Variants in TENM3 observed in about 807,000 individuals in gnomAD.
TENM3 encodes teneurin-3.
Under a neutral mutation model 255.1 loss-of-function variants are expected in TENM3, and 63 were observed. That is an observed-to-expected ratio of 0.25 (90% CI 0.20 to 0.30). TENM3 has a LOEUF of 0.30. Among genes scored for constraint, TENM3 ranks in the 10% least tolerant of loss-of-function variants. The probability of loss-of-function intolerance (pLI) is 1.00; values close to 1 mark genes in which losing one functional copy is unlikely to be tolerated. For synonymous variants in TENM3, 1,306 were observed against 1,322.3 expected (o/e 0.99, Z 0.27); for missense variants, 2,929 against 3,461.1 (o/e 0.85, Z 3.86).
At chr4:182,412,088 G>T (rs949270465) in intron 3 of TENM3, among the ~76,000 whole-genome samples, 1 of 152,112 alleles carries the variant, frequency 6.6e-6, no homozygotes, top group Admixed American at 6.5e-5. Context: ...CAGCTGGGTC[G>T]TGACTGAAAA....
At chr4:182,549,309 A>G (rs968887599) in intron 3 of TENM3, among the ~76,000 whole-genome samples, 2 of 152,246 alleles carry the variant, frequency 1.3e-5, no homozygotes, top group African/African-American at 4.8e-5. Context: ...GAAACTCACA[A>G]ATGTAAAACT....
chr4:182,735,091 C>T (rs1235654575), intron 16 of TENM3, among the ~76,000 whole-genome samples: 1 of 152,110 alleles, frequency 6.6e-6, no homozygotes, highest in East Asian at 1.9e-4. Flanking sequence ...AAACCATTCA[C>T]CCTAACAACC....
chr4:182,243,946 CTTT>C (rs967487689), intron 1 of TENM3, among the ~76,000 whole-genome samples: 5 of 72,912 alleles, frequency 6.9e-5, no homozygotes, highest in Middle Eastern at 0.014. Context: ...TTTGTGTTTT[CTTT>C]TTTTTTTTTT....
chr4:181,857,515 G>T, the TENM3 span, among the ~76,000 whole-genome samples: 1 of 130,218 alleles, frequency 7.7e-6, no homozygotes, highest in East Asian at 2.4e-4. Flanking sequence ...AGGAGTTTGA[G>T]ACAAGCCTAG....
At chr4:181,956,380 A>G in the TENM3 span, among the ~76,000 whole-genome samples, 45 of 152,350 alleles carry the variant, frequency 3.0e-4, 1 homozygote, top group Admixed American at 2.7e-3. Context: ...CATTTTCAAT[A>G]GACACCCATG....
chr4:181,763,624 T>C, the TENM3 span, among the ~76,000 whole-genome samples: 1 of 152,240 alleles, frequency 6.6e-6, no homozygotes, highest in Non-Finnish European at 1.5e-5. Context: ...TGGCTGCTTT[T>C]ACTGCTACGT....
At chr4:181,719,254 A>AAT in the TENM3 span, among the ~76,000 whole-genome samples, 2,298 of 150,434 alleles carry the variant, frequency 0.015, 50 homozygotes, top group African/African-American at 0.051. Context: ...TAAAAATGAA[A>AAT]ATATATATAT....
Position 182,714,077 on chromosome 4 carries a change from G to C in TENM3, c.2222-10G>C. 1.2e-6 allele frequency: 2 copies of C among 1,610,890 alleles called. No individual in the cohort carries two copies. Among genetic ancestry groups the C allele is most frequent in the Non-Finnish European group, 1.7e-6 (2 of 1,178,750 alleles). On this transcript the variant is annotated splice_polypyrimidine_tract_variant and intron_variant, in intron 12 of 27. Coordinates refer to ENST00000511685, the MANE Select transcript of TENM3 (RefSeq NM_001080477.4). ...CAAATCACTGGTGTTTTCCTTCTTT[G>C]TCTCGACAGAGGGTTGTCCTGGTCT... is the stretch of plus-strand genomic sequence containing the variant.
chr4:182,679,730 A>T lies in TENM3; in HGVS notation c.1391A>T (p.Glu464Val), dbSNP rs1392983368. ...GCCAGAGAGCAGCGGAGCCTGCTTG[A>T]GACGGAGAGAGCCGGGCGGCAGGCG... Reference protein sequence around the residue: ...LIAREQRSLLETERAGRQARS... With the variant: ...LIAREQRSLLVTERAGRQARS... The change falls in exon 8 of 28, where the codon GAG becomes GTG. Residue 464 changes from glutamate to valine, a missense_variant. Coordinates refer to ENST00000511685, the MANE Select transcript of TENM3 (RefSeq NM_001080477.4). The T allele has an allele frequency of 6.2e-7, 1 of 1,613,626 alleles. No individual in the cohort carries two copies. The highest frequency in any genetic ancestry group is 1.3e-5 in the African/African-American group (1 of 74,924).
the TENM3 span, among the ~76,000 whole-genome samples, chr4:181,681,400 C>G: frequency 6.6e-6 from 1 of 152,230 alleles, no homozygotes; most frequent in Admixed American, 6.5e-5. Flanking sequence ...TTTCTCCCCC[C>G]TGTTCTGAAG....
the TENM3 span, among the ~76,000 whole-genome samples, chr4:181,609,471 G>C: frequency 2.0e-5 from 3 of 152,062 alleles, no homozygotes; most frequent in Non-Finnish European, 2.9e-5. Flanking sequence ...TTACCATTAG[G>C]AGAACAGTTG....
intron 7 of TENM3, among the ~76,000 whole-genome samples, chr4:182,676,403 A>C (rs777696856): frequency 5.3e-5 from 8 of 152,214 alleles, no homozygotes; most frequent in Non-Finnish European, 1.2e-4. Flanking sequence ...CCACCTTTTC[A>C]CTGTGTGACC....
the TENM3 span, among the ~76,000 whole-genome samples, chr4:181,726,255 C>A: frequency 6.6e-6 from 1 of 151,978 alleles, no homozygotes; most frequent in Non-Finnish European, 1.5e-5. Flanking sequence ...TAAATGAGGT[C>A]CCTGGGGAGT....
chr4:181,515,460 G>C, the TENM3 span, among the ~76,000 whole-genome samples: 1 of 152,128 alleles, frequency 6.6e-6, no homozygotes, highest in East Asian at 1.9e-4. Flanking sequence ...ACCCAGGAAA[G>C]GCCTATCTTT....
At chr4:181,727,565 T>A in the TENM3 span, among the ~76,000 whole-genome samples, 3,456 of 152,270 alleles carry the variant, frequency 0.023, 108 homozygotes, top group East Asian at 0.14. Context: ...ATTCACATAA[T>A]CTGTTGAAGA....
the TENM3 span, among the ~76,000 whole-genome samples, chr4:181,587,497 A>C: frequency 2.6e-5 from 4 of 152,282 alleles, no homozygotes; most frequent in African/African-American, 7.2e-5. Flanking sequence ...GCACTACCTT[A>C]GCGCCTGATA....
At chr4:182,418,363 A>ACGGAATT (rs1202858942) in intron 3 of TENM3, among the ~76,000 whole-genome samples, 2 of 152,180 alleles carry the variant, frequency 1.3e-5, no homozygotes, top group African/African-American at 2.4e-5. Context: ...TTATTTAACC[A>ACGGAATT]CGGAATTCGT....
the TENM3 span, among the ~76,000 whole-genome samples, chr4:182,105,981 G>C: frequency 6.6e-6 from 1 of 152,184 alleles, no homozygotes; most frequent in African/African-American, 2.4e-5. Context: ...ACATTTATAC[G>C]AAACAAACCT....
intron 7 of TENM3, among the ~76,000 whole-genome samples, chr4:182,675,552 A>G (rs939091729): frequency 6.6e-6 from 1 of 152,134 alleles, no homozygotes; most frequent in Non-Finnish European, 1.5e-5. Context: ...AGGAGAAAAA[A>G]AAAAAAAGCA....
Sources: gnomAD v4.1 joint callset for allele counts (sites outside exome capture counted in the v4.1 genomes callset) on GRCh38, gnomAD v4.1.1 for gene constraint, MANE v1.5 for transcripts, NCBI Gene and HGNC (gene_info 2026-07-23, HGNC 2026-07-21) for gene names.